The following SWAP70 variants were observed in gnomAD, a reference collection of about 807,000 sequenced individuals.
SWAP70 encodes the protein switching B cell complex subunit SWAP70.
Under a neutral mutation model 80.2 loss-of-function variants are expected in SWAP70, and 34 were observed. The observed-to-expected ratio is 0.42, with a 90% CI of 0.32 to 0.56. SWAP70 has a LOEUF of 0.56. Among genes scored for constraint, SWAP70 ranks in the 20% least tolerant of loss-of-function variants. SWAP70 has a pLI of 0.09. For synonymous variants in SWAP70, 239 were observed against 238.5 expected, an observed-to-expected ratio of 1.00 and a Z score of -0.02; for missense variants, 578 against 690.7, an observed-to-expected ratio of 0.84 and a Z score of 1.83.
intron 3 of SWAP70, among the ~76,000 whole-genome samples, chr11:9,718,306 C>T (rs1026648261): frequency 2.0e-5 from 3 of 152,138 alleles, no homozygotes; most frequent in Non-Finnish European, 4.4e-5. Flanking sequence ...ATAGATTTTC[C>T]TCTGGGGCCA....
intron 1 of SWAP70, among the ~76,000 whole-genome samples, chr11:9,685,583 C>T (rs988149475): frequency 2.0e-5 from 3 of 148,396 alleles, no homozygotes; most frequent in African/African-American, 7.3e-5. Context: ...TCATTGATCC[C>T]ATTTGCGAGA....
At chr11:9,691,550 A>C (rs1850697847) in intron 1 of SWAP70, among the ~76,000 whole-genome samples, 1 of 152,194 alleles carries the variant, frequency 6.6e-6, no homozygotes, top group Non-Finnish European at 1.5e-5. Flanking sequence ...TCAAATCTAT[A>C]TCTTCTGCAG....
chr11:9,724,548 C>T, intron 3 of SWAP70, 110 bp from the exon 4 acceptor site: 1 of 791,864 alleles, frequency 1.3e-6, no homozygotes, highest in East Asian at 2.7e-5. Flanking sequence ...ATTTTTGGAA[C>T]TGTAAAGAGT....
At chr11:9,678,148 T>C (rs1028436043) in intron 1 of SWAP70, among the ~76,000 whole-genome samples, 3 of 152,236 alleles carry the variant, frequency 2.0e-5, no homozygotes, top group Admixed American at 2.0e-4. Flanking sequence ...TCCTAATCTT[T>C]TGTGTTGTGT....
Position 9,694,180 on chromosome 11 carries a change from TTCC to T in SWAP70, c.137_139del (p.Pro46del). 6.2e-7 allele frequency: 1 copy of T among 1,612,700 alleles called. No homozygotes were observed. Reference sequence around the variant, plus strand: ...CATAACCTGTGCACGGTGCTGAAGGTTCCTCATGACCCAGTTGCCCTTGAAGAG... The same window carrying T: ...CATAACCTGTGCACGGTGCTGAAGGTTCATGACCCAGTTGCCCTTGAAGAG... On this transcript the variant is annotated inframe_deletion, in exon 2 of 12. Transcript: ENST00000318950.
intron 9 of SWAP70, among the ~76,000 whole-genome samples, chr11:9,746,043 A>G (rs1055261100): frequency 6.6e-6 from 1 of 152,224 alleles, no homozygotes; most frequent in Non-Finnish European, 1.5e-5. Context: ...CAGCAGTGCC[A>G]TCGCTCCTGC....
chr11:9,723,023 G>T (rs924811733), intron 3 of SWAP70, among the ~76,000 whole-genome samples: 6 of 152,294 alleles, frequency 3.9e-5, no homozygotes, highest in Admixed American at 3.3e-4. Flanking sequence ...TGAGAAAGTA[G>T]GCTGGGGGAT....
chr11:9,704,708 C>T (rs942688805), intron 2 of SWAP70, among the ~76,000 whole-genome samples: 1 of 152,126 alleles, frequency 6.6e-6, no homozygotes, highest in South Asian at 2.1e-4. Flanking sequence ...TCCCTGTATT[C>T]CCCTTTATTG....
intron 4 of SWAP70, chr11:9,726,827 A>C: frequency 2.2e-6 from 1 of 454,814 alleles, no homozygotes; most frequent in Admixed American, 2.4e-5. Flanking sequence ...TGGGAAGGAA[A>C]TACAGAACTA....
Position 9,741,306 on chromosome 11 carries a change from T to A in SWAP70, c.1355+959T>A, listed in dbSNP as rs141166062. On this transcript the variant is annotated intron_variant, in intron 9 of 11. Coordinates refer to ENST00000318950, the MANE Select transcript of SWAP70 (RefSeq NM_015055.4). ...TGGACATTTAGATTTTAAATTTAAA[T>A]TTTTTTAAGGAAAAATTATTTTCTA... is the stretch of plus-strand genomic sequence containing the variant. The A allele has an allele frequency of 2.7e-3, 413 of 152,310 alleles. 2 individuals carry two copies. Among genetic ancestry groups the A allele is most frequent in the African/African-American group, 9.1e-3 (379 of 41,552 alleles). The allele number at this position is 152,310 out of a possible 1,614,324, so 9.4% of individuals were successfully genotyped here.
intron 9 of SWAP70, among the ~76,000 whole-genome samples, chr11:9,744,152 C>T (rs1393593033): frequency 2.0e-5 from 3 of 151,936 alleles, no homozygotes; most frequent in African/African-American, 7.3e-5. Flanking sequence ...TTAGTAGAGA[C>T]GGGGTTTAAC....
chr11:9,666,364 GTGTGACCCAC>G (rs1850307337), intron 1 of SWAP70, among the ~76,000 whole-genome samples: 1 of 152,074 alleles, frequency 6.6e-6, no homozygotes, highest in Admixed American at 6.6e-5. Context: ...AGGATTACAA[GTGTGACCCAC>G]TGTGCCTGGC....
chr11:9,747,724 G>A, intron 9 of SWAP70, 134 bp from the exon 10 acceptor site: 1 of 831,136 alleles, frequency 1.2e-6, no homozygotes, highest in South Asian at 1.5e-5. Context: ...TCTGGCTCCT[G>A]CTTTCCTCCT....
At chr11:9,694,733 A>T (rs1372966836) in intron 2 of SWAP70, among the ~76,000 whole-genome samples, 3 of 152,214 alleles carry the variant, frequency 2.0e-5, no homozygotes, top group Non-Finnish European at 4.4e-5. Flanking sequence ...ATCATCAGAG[A>T]AATACAAATC....
chr11:9,750,852 A>C lies in SWAP70; in HGVS notation c.*882A>C, dbSNP rs1389440887. The C allele has an allele frequency of 6.6e-6, 1 of 152,192 alleles. No homozygotes were observed. Among genetic ancestry groups the C allele is most frequent in the Non-Finnish European group, 1.5e-5 (1 of 68,060 alleles). The allele number at this position is 152,192 out of a possible 1,614,324, so 9.4% of individuals were successfully genotyped here. On this transcript the variant is annotated 3_prime_UTR_variant, in exon 12 of 12. Coordinates refer to ENST00000318950, the MANE Select transcript of SWAP70 (RefSeq NM_015055.4). ...TGCCCTTTTGGAATGTGATCCTGTT[A>C]GTAGAGGTTTTCTAGCTTCTACTAA...
chr11:9,744,646 C>T (rs953601547), intron 9 of SWAP70, among the ~76,000 whole-genome samples: 11 of 152,112 alleles, frequency 7.2e-5, no homozygotes, highest in Admixed American at 2.0e-4. Context: ...TGGTGGCTCA[C>T]GCTCTAATCC....
chr11:9,728,223 C>A, intron 5 of SWAP70, 24 bp downstream of exon 5: 1 of 1,569,812 alleles, frequency 6.4e-7, no homozygotes, highest in Non-Finnish European at 8.6e-7. Flanking sequence ...TACTTCTTTG[C>A]ATGATTACCC....
At chr11:9,719,437 A>G (rs1431419613) in intron 3 of SWAP70, among the ~76,000 whole-genome samples, 1 of 152,082 alleles carries the variant, frequency 6.6e-6, no homozygotes, top group Admixed American at 6.6e-5. Context: ...AATCCCAGCT[A>G]TATGGGAGGT....
At chr11:9,674,044 T>C (rs1225025056) in intron 1 of SWAP70, among the ~76,000 whole-genome samples, 1 of 152,040 alleles carries the variant, frequency 6.6e-6, no homozygotes, top group African/African-American at 2.4e-5. Context: ...GGGTTACAGG[T>C]GTATGCCACC....
Sources: gnomAD v4.1 joint callset for allele counts (sites outside exome capture counted in the v4.1 genomes callset) on GRCh38, gnomAD v4.1.1 for gene constraint, MANE v1.5 for transcripts, NCBI Gene and HGNC (gene_info 2026-07-23, HGNC 2026-07-21) for gene names.